The following NAALADL1 variants were observed in gnomAD, a reference collection of about 807,000 sequenced individuals.
The protein encoded by NAALADL1 is N-acetylated alpha-linked acidic dipeptidase like 1, also known as aminopeptidase NAALADL1.
Under a neutral mutation model 82.8 loss-of-function variants are expected in NAALADL1, and 77 were observed. The observed-to-expected ratio is 0.93, with a 90% CI of 0.77 to 1.12. The LOEUF is 1.12. NAALADL1 is among the 50% of genes most tolerant of loss of function. The pLI is 0.00. For synonymous variants in NAALADL1, 358 were observed against 399.2 expected, an observed-to-expected ratio of 0.90 and a Z score of 1.23; for missense variants, 956 against 964.0, an observed-to-expected ratio of 0.99 and a Z score of 0.11.
At chr11:65,049,573 T>C (rs921301446) in intron 8 of NAALADL1, among the ~76,000 whole-genome samples, 9 of 152,254 alleles carry the variant, frequency 5.9e-5, no homozygotes, top group African/African-American at 2.2e-4. Context: ...AAAAATTATT[T>C]TGCTATCAAG....
intron 9 of NAALADL1, 33 bp downstream of exon 9, chr11:65,048,267 C>G: frequency 6.2e-7 from 1 of 1,614,128 alleles, no homozygotes; most frequent in South Asian, 1.1e-5. Context: ...CCTGGGAACC[C>G]CTTTCGATCC....
In NAALADL1 at chr11:65,054,328, GCTGGGGCCA is replaced by G. The variant is rs746117900; in HGVS notation, c.905_913del (p.Leu302_Ala305delinsSer). 6.2e-7 allele frequency: 1 copy of G among 1,614,116 alleles called. No individual in the cohort carries two copies. The highest frequency in any genetic ancestry group is 1.1e-5 in the South Asian group (1 of 91,080). On this transcript the variant is annotated inframe_deletion, in exon 6 of 18. Transcript: ENST00000358658. This position sits in a 1 kb window ranked among gnomAD's most constrained non-coding sequence, Gnocchi z 4.3. ...GCAGCCCAGTGCTCCCTGCCAGGTGGCTGGGGCCAAAGTTCCGTTGAGGTTACTGGGGAG... is the reference window on the plus strand; with the variant it reads ...GCAGCCCAGTGCTCCCTGCCAGGTGGAAGTTCCGTTGAGGTTACTGGGGAG...
intron 13 of NAALADL1, among the ~76,000 whole-genome samples, chr11:65,047,163 G>A (rs1191423296): frequency 6.6e-6 from 1 of 152,154 alleles, no homozygotes; most frequent in Non-Finnish European, 1.5e-5. Context: ...ATAAAGAGGT[G>A]CTTGAAAAGG....
intron 3 of NAALADL1, among the ~76,000 whole-genome samples, 162 bp downstream of exon 3, chr11:65,057,711 AAT>A: frequency 6.6e-6 from 1 of 152,120 alleles, no homozygotes; most frequent in Non-Finnish European, 1.5e-5. Flanking sequence ...GTGTTTGTTG[AAT>A]GACTGATGGA....
Position 65,053,100 on chromosome 11 carries a change from G to T in NAALADL1, c.1198+118C>A. On this transcript the variant is annotated intron_variant, in intron 8 of 17. Transcript: ENST00000358658. This position sits in a 1 kb window ranked among gnomAD's most constrained non-coding sequence, Gnocchi z 4.3. ...GCCAAGGCTGGTGTCATGCATGTCT[G>T]CCCCCAGGGCCCTCAGGCATGGCAC... 1 of 1,301,962 alleles carries T rather than the reference G, an allele frequency of 7.7e-7. No homozygotes were observed. The highest frequency in any genetic ancestry group is 1.0e-6 in the Non-Finnish European group (1 of 968,086). The allele number at this position is 1,301,962 out of a possible 1,614,324, so 80.7% of individuals were successfully genotyped here.
Position 65,048,142 on chromosome 11 carries a change from A to T in NAALADL1, c.1348+10T>A. ...GTCTCCTCCCCTTTCCTGCCCCACC[A>T]CCCACATACCAAACACCGAGATGTC... On this transcript the variant is annotated intron_variant, in intron 10 of 17. Transcript: ENST00000358658. 6.8e-6 allele frequency: 11 copies of T among 1,611,460 alleles called. No homozygotes were observed. The highest frequency in any genetic ancestry group is 9.3e-6 in the Non-Finnish European group (11 of 1,179,336).
In NAALADL1 at chr11:65,045,112, G is replaced by T; in HGVS notation, c.*159C>A. The T allele has an allele frequency of 2.5e-6, 2 of 794,486 alleles. No homozygotes were observed. The highest frequency in any genetic ancestry group is 2.9e-5 in the Admixed American group (1 of 34,024). The allele number at this position is 794,486 out of a possible 1,614,324, so 49.2% of individuals were successfully genotyped here. On this transcript the variant is annotated 3_prime_UTR_variant, in exon 18 of 18. Transcript: ENST00000358658. ...CAGGATGAGGGTGAGTTGCATTAGG[G>T]CTTGCCACTCCCCTCAGGGACCTCA...
At position 65,054,285 on chromosome 11, in the gene NAALADL1, G is replaced by A. The variant is rs1326820194; in HGVS notation, c.957C>T (p.Pro319=). 50 of 1,613,994 alleles carry A rather than the reference G, an allele frequency of 3.1e-5. No individual in the cohort carries two copies. The highest frequency in any genetic ancestry group is 3.9e-5 in the Non-Finnish European group (46 of 1,180,020). The change falls in exon 6 of 18, where the codon CCC becomes CCT. Residue 319 remains proline (P), a synonymous_variant. Coordinates refer to ENST00000358658, the MANE Select transcript of NAALADL1 (RefSeq NM_005468.3). The surrounding 1 kb of genome is among the most constrained non-coding windows in gnomAD (Gnocchi z 4.3). ...GGAAGTCTCCGTCAGGCCGGAAGCCGGGACCCAACCTGTAGTGGCAGCCCA... is the reference window on the plus strand; with the variant it reads ...GGAAGTCTCCGTCAGGCCGGAAGCCAGGACCCAACCTGTAGTGGCAGCCCA... ...GALGCHYRLG[P]GFRPDGDFPA...
rs1462047313 is a variant in NAALADL1, at chr11:65,053,424, G to A, written c.1078+67C>T. ...GCTGGGTGGTGGCAAGGGCAGGGCT[G>A]GATGAGGACAGCGGCATCCAGAGCA... On this transcript the variant is annotated intron_variant, in intron 7 of 17. Transcript: ENST00000358658. The surrounding 1 kb of genome is among the most constrained non-coding windows in gnomAD (Gnocchi z 4.3). The A allele has an allele frequency of 2.5e-6, 4 of 1,612,644 alleles. No individual in the cohort carries two copies. The South Asian group carries it at 4.4e-5, about 18-fold the overall frequency.
chr11:65,057,877 G>T lies in NAALADL1; in HGVS notation c.478C>A (p.Gln160Lys). 6.2e-7 allele frequency: 1 copy of T among 1,613,830 alleles called. No individual in the cohort carries two copies. The highest frequency in any genetic ancestry group is 8.5e-7 in the Non-Finnish European group (1 of 1,179,936). Residue 160 changes from glutamine (Q) to lysine (K), a missense_variant and splice_region_variant, in exon 3 of 18, where the codon CAG becomes AAG. Gln to Lys is a moderately conservative substitution (Grantham distance 53). Transcript: ENST00000358658. ...YAAYAPSGTP[Q>K]GLLVYANRGA... ...AGTAGGGGGGGTTCTGGGCCCACCT[G>T]TGGGGTTCCAGAAGGAGCATAGGCA...
rs751392070 is a variant in NAALADL1, at chr11:65,053,408, T to C, written c.1079-71A>G. ...GGGCAGGGGGAGCTGGGCTGGGTGGTGGCAAGGGCAGGGCTGGATGAGGAC... is the reference window on the plus strand; with the variant it reads ...GGGCAGGGGGAGCTGGGCTGGGTGGCGGCAAGGGCAGGGCTGGATGAGGAC... On this transcript the variant is annotated intron_variant, in intron 7 of 17. Transcript: ENST00000358658. The surrounding 1 kb of genome is among the most constrained non-coding windows in gnomAD (Gnocchi z 4.3). 2 of 1,610,460 alleles carry C rather than the reference T, an allele frequency of 1.2e-6. No individual in the cohort carries two copies. The highest frequency in any genetic ancestry group is 1.7e-5 in the Admixed American group (1 of 59,722).
At position 65,053,601 on chromosome 11, in the gene NAALADL1, A is replaced by C. The variant is rs776221692; in HGVS notation, c.993-25T>G. The C allele has an allele frequency of 1.3e-6, 2 of 1,567,804 alleles. No homozygotes were observed. Among genetic ancestry groups the C allele is most frequent in the Non-Finnish European group, 1.7e-6 (2 of 1,154,504 alleles). ...GCTGGGGAGGGTGAAGGGTGTGAGAAGACTCTTGGCCTTGCCCACTGCCCC... is the reference window on the plus strand; with the variant it reads ...GCTGGGGAGGGTGAAGGGTGTGAGACGACTCTTGGCCTTGCCCACTGCCCC... On this transcript the variant is annotated intron_variant, in intron 6 of 17. Transcript: ENST00000358658. The surrounding 1 kb of genome is among the most constrained non-coding windows in gnomAD (Gnocchi z 4.3).
intron 8 of NAALADL1, among the ~76,000 whole-genome samples, chr11:65,048,671 C>T (rs1391595999): frequency 6.6e-6 from 1 of 152,194 alleles, no homozygotes; most frequent in South Asian, 2.1e-4. Flanking sequence ...CCACCCTCAA[C>T]CCCCGCCTCC....
chr11:65,057,980 GC>G lies in NAALADL1; in HGVS notation c.374del (p.Gly125AlafsTer13). ...NVVDIVGPTG[G>X]IIHSCHRTEE... ...CAGTCCGGTGGCAGGAGTGGATGAT[GC>G]CCCCAGTGGGGCCCACTGTTGGAGG... On this transcript the variant is annotated frameshift_variant, in exon 3 of 18. Transcript: ENST00000358658. LOFTEE classifies it high-confidence loss of function. 3 of 1,614,154 alleles carry G rather than the reference GC, an allele frequency of 1.9e-6. No individual in the cohort carries two copies. The highest frequency in any genetic ancestry group is 2.5e-6 in the Non-Finnish European group (3 of 1,180,012).
chr11:65,045,332 C>A lies in NAALADL1; in HGVS notation c.2162G>T (p.Ser721Ile), dbSNP rs1313479234. Residue 721 changes from serine to isoleucine, a missense_variant, in exon 18 of 18, where the codon AGC becomes ATC. Ser to Ile is a moderately radical substitution (Grantham distance 142, BLOSUM62 -2). Coordinates refer to ENST00000358658, the MANE Select transcript of NAALADL1 (RefSeq NM_005468.3). ...ACCCTCCAGGGCTGTCACCACAATG[C>A]TGAGCTGTCTCTGGACCTCAGCCCA... ...EAWAEVQRQL[S>I]IVVTALEGAA... 7 of 1,610,674 alleles carry A rather than the reference C, an allele frequency of 4.3e-6. No individual in the cohort carries two copies. Among genetic ancestry groups the A allele is most frequent in the African/African-American group, 1.3e-5 (1 of 75,028 alleles).
chr11:65,054,141 A>T lies in NAALADL1; in HGVS notation c.992+109T>A, dbSNP rs1946967631. 3.0e-6 allele frequency: 3 copies of T among 995,644 alleles called. No individual in the cohort carries two copies. Among genetic ancestry groups the T allele is most frequent in the Non-Finnish European group, 4.5e-6 (3 of 666,440 alleles). 61.7% of individuals were successfully genotyped at this position (995,644 alleles called of 1,614,324 possible). On this transcript the variant is annotated intron_variant, in intron 6 of 17. Coordinates refer to ENST00000358658, the MANE Select transcript of NAALADL1 (RefSeq NM_005468.3). This position sits in a 1 kb window ranked among gnomAD's most constrained non-coding sequence, Gnocchi z 4.3. ...AGGGTCTGGGAGAGAGAGGAAAGGG[A>T]AAAAGGTCAGGCTTTGAAGTGGAAA...
chr11:65,050,192 T>C (rs1294776204), intron 8 of NAALADL1, among the ~76,000 whole-genome samples: 3 of 151,302 alleles, frequency 2.0e-5, no homozygotes, highest in African/African-American at 7.3e-5. Flanking sequence ...ATTTAAAAGT[T>C]GTGGGGGCTG....
rs761245360 is a variant in NAALADL1, at chr11:65,048,098, C to T, written c.1349-50G>A. On this transcript the variant is annotated intron_variant, in intron 10 of 17. Coordinates refer to ENST00000358658, the MANE Select transcript of NAALADL1 (RefSeq NM_005468.3). ...ATTTGGGCCCCAGCCCCTTCTTTTA[C>T]CCACCCAGTCGTCCCGCCGTCTCCT... is the stretch of plus-strand genomic sequence containing the variant. 8.7e-6 allele frequency: 14 copies of T among 1,613,822 alleles called. No individual in the cohort carries two copies. The South Asian group carries it at 1.5e-4, about 18-fold the overall frequency.
At chr11:65,052,828 C>T (rs942674934) in intron 8 of NAALADL1, among the ~76,000 whole-genome samples, 8 of 152,208 alleles carry the variant, frequency 5.3e-5, no homozygotes, top group Non-Finnish European at 1.2e-4. Context: ...GTGCTGCCTC[C>T]ACTGAGAGAC....
Sources: allele counts gnomAD v4.1 joint callset (sites outside exome capture counted in the v4.1 genomes callset), GRCh38; gene constraint gnomAD v4.1.1; non-coding constraint Gnocchi (gnomAD v3.1); transcripts MANE v1.5; gene names NCBI Gene and HGNC (gene_info 2026-07-23, HGNC 2026-07-21).